The following PCSK2 variants were observed in gnomAD, a reference collection of about 807,000 sequenced individuals.
PCSK2 encodes neuroendocrine convertase 2.
Under a neutral mutation model 69.7 loss-of-function variants are expected in PCSK2, and 14 were observed. The ratio of observed to expected loss-of-function variants is 0.20; its 90% CI spans 0.13 to 0.31. The LOEUF (loss-of-function observed/expected upper bound fraction) is 0.31. Ranked by LOEUF, PCSK2 falls within the 10% of genes least tolerant of loss-of-function variation. The pLI is 1.00. For synonymous variants in PCSK2, 307 were observed against 320.7 expected (o/e 0.96, Z 0.46); for missense variants, 544 against 842.5 (o/e 0.65, Z 4.39).
At chr20:17,274,043 G>T (rs972424081) in intron 2 of PCSK2, among the ~76,000 whole-genome samples, 2 of 152,138 alleles carry the variant, frequency 1.3e-5, no homozygotes, top group South Asian at 4.1e-4. Context: ...TAAGAAGTGT[G>T]GTTCTCCCAT....
chr20:17,299,704 C>T (rs1264697414), intron 2 of PCSK2, among the ~76,000 whole-genome samples: 3 of 151,262 alleles, frequency 2.0e-5, no homozygotes, highest in Non-Finnish European at 4.4e-5. Context: ...TTAAGTTTAC[C>T]TTTTCCTTCG....
intron 1 of PCSK2, among the ~76,000 whole-genome samples, chr20:17,232,813 G>C (rs969720741): frequency 6.6e-6 from 1 of 152,182 alleles, no homozygotes; most frequent in Non-Finnish European, 1.5e-5. Context: ...ACAGCATATA[G>C]ATTTGATCAT....
chr20:17,245,530 GTAGT>G (rs1479988984), intron 1 of PCSK2, among the ~76,000 whole-genome samples: 4 of 152,184 alleles, frequency 2.6e-5, no homozygotes, highest in African/African-American at 9.7e-5. Context: ...ATGTTTGGGA[GTAGT>G]TAACTTCTTC....
chr20:17,372,384 A>ATAAT (rs1336117348), intron 5 of PCSK2, among the ~76,000 whole-genome samples: 1 of 122,670 alleles, frequency 8.2e-6, no homozygotes. Context: ...GTCTTGAAAA[A>ATAAT]TAATAAATAA....
chr20:17,253,405 T>A (rs559455936), intron 1 of PCSK2, among the ~76,000 whole-genome samples: 18 of 152,152 alleles, frequency 1.2e-4, no homozygotes, highest in Non-Finnish European at 2.5e-4. Context: ...CTAATCTAAT[T>A]TCCAGCTCTA....
intron 10 of PCSK2, among the ~76,000 whole-genome samples, chr20:17,459,517 A>G (rs2032978721): frequency 6.6e-6 from 1 of 152,136 alleles, no homozygotes; most frequent in Admixed American, 6.5e-5. Context: ...AAGTGGGTGT[A>G]CCCATTGACC....
chr20:17,388,251 G>C (rs998283411), intron 5 of PCSK2, among the ~76,000 whole-genome samples: 1 of 152,162 alleles, frequency 6.6e-6, no homozygotes, highest in Non-Finnish European at 1.5e-5. Flanking sequence ...TAGGAGCAAA[G>C]GGAAGCTTCA....
intron 5 of PCSK2, among the ~76,000 whole-genome samples, chr20:17,376,989 T>A (rs1179894677): frequency 2.0e-5 from 3 of 152,180 alleles, no homozygotes; most frequent in African/African-American, 7.2e-5. Flanking sequence ...AACCACCTCA[T>A]AGGTGGATGC....
chr20:17,276,014 G>A (rs553651036), intron 2 of PCSK2, among the ~76,000 whole-genome samples: 85 of 152,210 alleles, frequency 5.6e-4, no homozygotes, highest in South Asian at 1.4e-3. Context: ...AATGATGCTA[G>A]GGTAAACGTT....
At chr20:17,295,541 A>C (rs2123075451) in intron 2 of PCSK2, among the ~76,000 whole-genome samples, 1 of 143,796 alleles carries the variant, frequency 7.0e-6, no homozygotes, top group African/African-American at 2.5e-5. Flanking sequence ...TTATTTATTT[A>C]TATTATATAT....
chr20:17,303,893 T>C (rs1453609639), intron 2 of PCSK2, among the ~76,000 whole-genome samples: 3 of 149,476 alleles, frequency 2.0e-5, no homozygotes, highest in African/African-American at 7.3e-5. Flanking sequence ...ATATATATTT[T>C]TAAGTGAGAC....
chr20:17,310,591 A>T (rs1307810727), intron 2 of PCSK2, among the ~76,000 whole-genome samples: 1 of 151,494 alleles, frequency 6.6e-6, no homozygotes, highest in Admixed American at 6.6e-5. Flanking sequence ...AAGTCTTAAA[A>T]CCAGTCTGTT....
intron 2 of PCSK2, among the ~76,000 whole-genome samples, chr20:17,357,363 C>G (rs2030238550): frequency 6.6e-6 from 1 of 152,206 alleles, no homozygotes; most frequent in African/African-American, 2.4e-5. Flanking sequence ...TGTTGGCTCT[C>G]CATGCTGGCC....
chr20:17,237,598 A>C (rs1986391654), intron 1 of PCSK2, among the ~76,000 whole-genome samples: 1 of 152,146 alleles, frequency 6.6e-6, no homozygotes, highest in African/African-American at 2.4e-5. Context: ...TTAGAGACAA[A>C]GTCATTGTTG....
Position 17,358,887 on chromosome 20 carries a change from T to G in PCSK2, c.396+447T>G, listed in dbSNP as rs541645039. Among the ~76,000 whole-genome samples, 5 of 152,278 alleles carry G rather than the reference T, an allele frequency of 3.3e-5. No homozygotes were observed. In the East Asian group the frequency reaches 7.7e-4, roughly 24 times the overall value. On this transcript the variant is annotated intron_variant, in intron 3 of 11. Transcript: ENST00000262545. Reference sequence around the variant, plus strand: ...TAGCAAGAAAGCTTGGAGACTAAAGTAGCAAAAAGAGCATCTATTAATGCT... The same window carrying G: ...TAGCAAGAAAGCTTGGAGACTAAAGGAGCAAAAAGAGCATCTATTAATGCT...
At chr20:17,335,326 G>A (rs992752608) in intron 2 of PCSK2, among the ~76,000 whole-genome samples, 2 of 152,080 alleles carry the variant, frequency 1.3e-5, no homozygotes, top group East Asian at 1.9e-4. Flanking sequence ...GCCTCAGGGG[G>A]CTCAGACTTC....
In PCSK2 at chr20:17,473,087, C is replaced by CTTTTTTT. The variant is rs10648323; in HGVS notation, c.1430+7552_1430+7558dup. Among the ~76,000 whole-genome samples, 52 of 76,786 alleles carry CTTTTTTT rather than the reference C, an allele frequency of 6.8e-4. 3 individuals are homozygous for CTTTTTTT. Among genetic ancestry groups the CTTTTTTT allele is most frequent in the East Asian group, 1.4e-3 (3 of 2,132 alleles). 50.4% of individuals were successfully genotyped at this position (76,786 alleles called of 152,430 possible). ...ATCTCTAATAGGTCAAAGAAGAACTCTTTTTTTTTTTTTTTTTTTTTTTTG... is the reference window on the plus strand; with the variant it reads ...ATCTCTAATAGGTCAAAGAAGAACTCTTTTTTTTTTTTTTTTTTTTTTTTTTTTTTTG... On this transcript the variant is annotated intron_variant, in intron 11 of 11. Transcript: ENST00000262545.
chr20:17,256,192 A>AATTTCTGTT (rs1371067183), intron 1 of PCSK2, among the ~76,000 whole-genome samples: 5 of 151,980 alleles, frequency 3.3e-5, no homozygotes, highest in Non-Finnish European at 7.4e-5. Flanking sequence ...TTAGCTCCAG[A>AATTTCTGTT]ATTTCTGTTT....
At chr20:17,429,614 G>A in intron 7 of PCSK2, 91 bp downstream of exon 7, 1 of 801,894 alleles carries the variant, frequency 1.2e-6, no homozygotes, top group African/African-American at 1.7e-5. Flanking sequence ...CACTGGTGCA[G>A]AAAAGCTAGG....
Sources: gnomAD v4.1 joint callset for allele counts (sites outside exome capture counted in the v4.1 genomes callset) on GRCh38, gnomAD v4.1.1 for gene constraint, MANE v1.5 for transcripts, NCBI Gene and HGNC (gene_info 2026-07-23, HGNC 2026-07-21) for gene names.